Variants in SULF2 observed in about 807,000 individuals in gnomAD.
The protein encoded by SULF2 is extracellular sulfatase Sulf-2.
In SULF2, 52 loss-of-function variants were observed where a neutral mutation model predicts 107.7. That is an observed-to-expected ratio of 0.48 (90% CI 0.39 to 0.61). The LOEUF (loss-of-function observed/expected upper bound fraction) is 0.61. SULF2 is among the 20% of genes least tolerant of loss of function. SULF2 has a pLI of 0.00. For missense variants in SULF2, 993 were observed against 1,177.3 expected (o/e 0.84, Z 2.29); for synonymous variants, 460 against 464.3 (o/e 0.99, Z 0.12).
chr20:47,701,428 C>G (rs1387158591), intron 4 of SULF2, among the ~76,000 whole-genome samples: 1 of 152,236 alleles, frequency 6.6e-6, no homozygotes, highest in African/African-American at 2.4e-5. Context: ...CACTTAAGAT[C>G]TGTGCATGTT....
intron 17 of SULF2, 75 bp from the exon 18 acceptor site, chr20:47,661,971 A>T: frequency 7.3e-7 from 1 of 1,361,184 alleles, no homozygotes; most frequent in Non-Finnish European, 9.6e-7. Flanking sequence ...CAACCAGGGG[A>T]CATATTTCAG....
At chr20:47,716,142 G>A (rs2089113055) in intron 3 of SULF2, among the ~76,000 whole-genome samples, 1 of 152,202 alleles carries the variant, frequency 6.6e-6, no homozygotes, top group African/African-American at 2.4e-5. Context: ...TCCTGTGTAT[G>A]TTGGTTATAT....
intron 2 of SULF2, among the ~76,000 whole-genome samples, chr20:47,754,224 G>A (rs2090227944): frequency 6.6e-6 from 1 of 152,226 alleles, no homozygotes; most frequent in East Asian, 1.9e-4. Flanking sequence ...ATGGACGTCT[G>A]TTCTCTGTCC....
intron 2 of SULF2, 99 bp from the exon 3 acceptor site, chr20:47,737,041 G>C (rs1016465654): frequency 3.9e-6 from 6 of 1,543,360 alleles, no homozygotes; most frequent in Non-Finnish European, 5.3e-6. Context: ...TCTGGAGTGG[G>C]CACATTCTGC....
intron 5 of SULF2, among the ~76,000 whole-genome samples, chr20:47,686,519 C>A (rs2088009803): frequency 6.6e-6 from 1 of 152,194 alleles, no homozygotes; most frequent in African/African-American, 2.4e-5. Flanking sequence ...TCTTCCCAGT[C>A]AAGGCTGAAG....
In SULF2 at chr20:47,658,168, T is replaced by C. The variant is rs923127237; in HGVS notation, c.*194A>G. On this transcript the variant is annotated 3_prime_UTR_variant, in exon 21 of 21. Coordinates refer to ENST00000688720, the MANE Select transcript of SULF2 (RefSeq NM_001387048.1). ...TCCAAAGCAAAAGCAGGGGCAAAAA[T>C]GGACTTCCTGAAGTTATCTCTGCTC... 3.2e-6 allele frequency: 2 copies of C among 624,300 alleles called. No homozygotes were observed. Among genetic ancestry groups the C allele is most frequent in the Admixed American group, 2.8e-5 (1 of 36,212 alleles). The allele number at this position is 624,300 out of a possible 1,614,324, so 38.7% of individuals were successfully genotyped here. A position where few individuals can be genotyped will look rare whatever the true frequency, so the allele number is the denominator to read the frequency against.
chr20:47,752,186 C>CT (rs1259317808), intron 2 of SULF2, among the ~76,000 whole-genome samples: 1 of 152,208 alleles, frequency 6.6e-6, no homozygotes, highest in African/African-American at 2.4e-5. Flanking sequence ...CCAGGGTGCT[C>CT]TAACAGAGGA....
chr20:47,662,659 G>A (rs983241311), intron 17 of SULF2, among the ~76,000 whole-genome samples: 28 of 152,276 alleles, frequency 1.8e-4, no homozygotes, highest in Non-Finnish European at 3.2e-4. Context: ...CTTACTGTAC[G>A]GAAGCACTTA....
chr20:47,758,010 T>C (rs1038453015), intron 1 of SULF2, among the ~76,000 whole-genome samples: 3 of 152,126 alleles, frequency 2.0e-5, no homozygotes, highest in Admixed American at 1.3e-4. Context: ...TTCCACTCAC[T>C]GGCTCAGTTT....
At chr20:47,754,792 A>AAGACGCCCCCTC (rs1342467498) in intron 2 of SULF2, among the ~76,000 whole-genome samples, 3 of 152,228 alleles carry the variant, frequency 2.0e-5, no homozygotes. Flanking sequence ...GAATCTGGCT[A>AAGACGCCCCCTC]AATAGAGCAG....
At chr20:47,730,727 C>T (rs1464442062) in intron 3 of SULF2, among the ~76,000 whole-genome samples, 4 of 152,172 alleles carry the variant, frequency 2.6e-5, no homozygotes, top group African/African-American at 4.8e-5. Context: ...GGATTACAGG[C>T]GTGAGCCACT....
intron 2 of SULF2, among the ~76,000 whole-genome samples, chr20:47,750,003 G>A (rs1280752067): frequency 4.6e-5 from 7 of 152,180 alleles, no homozygotes; most frequent in African/African-American, 1.7e-4. Context: ...GATGTATTGA[G>A]ACAGAGTCTC....
intron 2 of SULF2, among the ~76,000 whole-genome samples, chr20:47,741,514 CAT>C (rs1001177839): frequency 3.9e-5 from 6 of 152,224 alleles, no homozygotes; most frequent in African/African-American, 1.4e-4. Context: ...TCATCTAACA[CAT>C]GATATACTTT....
In SULF2 at chr20:47,736,827, A is replaced by G. The variant is rs3810526; in HGVS notation, c.291T>C (p.Thr97=). Residue 97 remains threonine, a synonymous_variant, in exon 3 of 21, where the codon ACT becomes ACC. Transcript: ENST00000688720. ...MCCPSRSSIL[T]GKYVHNHNTY... is the part of the protein sequence containing the mutation. ...TGTTGTGGTTGTGGACGTACTTGCC[A>G]GTGAGGATGGAGGAGCGTGAGGGGC... 988,456 of 1,614,010 alleles carry G rather than the reference A, an allele frequency of 0.61. 304,664 individuals carry two copies. The highest frequency in any genetic ancestry group is 0.79 in the African/African-American group (59,478 of 75,032).
At chr20:47,687,944 C>T (rs1052606236) in intron 5 of SULF2, among the ~76,000 whole-genome samples, 6 of 151,622 alleles carry the variant, frequency 4.0e-5, no homozygotes, top group South Asian at 4.2e-4. Context: ...TTGTGTGTAT[C>T]TGCTTGTGTG....
chr20:47,718,379 A>G (rs1487275660), intron 3 of SULF2, among the ~76,000 whole-genome samples: 2 of 152,258 alleles, frequency 1.3e-5, no homozygotes, highest in Admixed American at 6.5e-5. Context: ...TCATTCAATC[A>G]GTAAACATTA....
chr20:47,716,448 TAA>T (rs2089125203), intron 3 of SULF2, among the ~76,000 whole-genome samples: 1 of 152,058 alleles, frequency 6.6e-6, no homozygotes, highest in Non-Finnish European at 1.5e-5. Flanking sequence ...GAGGTTGCAG[TAA>T]GCTGAGATTG....
chr20:47,661,802 C>T lies in SULF2; in HGVS notation c.2465G>A (p.Cys822Tyr), dbSNP rs1421489888. The change falls in exon 18 of 21, where the codon TGT becomes TAT. Residue 822 changes from cysteine to tyrosine, a missense_variant. Transcript: ENST00000688720. ...ELRSCKGYKQ[C>Y]NPRTRNMDLG... ...GTCCATGTTTCGAGTCCGGGGGTTA[C>T]ACTGCTTGTAACCCTTGCAGCTCCT... 1 of 1,574,746 alleles carries T rather than the reference C, an allele frequency of 6.4e-7. No individual in the cohort carries two copies. Among genetic ancestry groups the T allele is most frequent in the Admixed American group, 1.7e-5 (1 of 57,908 alleles).
At chr20:47,760,823 A>G (rs2090402295) in intron 1 of SULF2, among the ~76,000 whole-genome samples, 1 of 152,200 alleles carries the variant, frequency 6.6e-6, no homozygotes, top group Non-Finnish European at 1.5e-5. Flanking sequence ...CAGAGGGTGA[A>G]CAACACCTTC....
Sources: allele counts gnomAD v4.1 joint callset (sites outside exome capture counted in the v4.1 genomes callset), GRCh38; gene constraint gnomAD v4.1.1; transcripts MANE v1.5; gene names NCBI Gene and HGNC (gene_info 2026-07-23, HGNC 2026-07-21).